ELFN1: variants seen among roughly 807,000 people sequenced by gnomAD.
ELFN1 encodes the protein protein ELFN1.
ELFN1 carries 6 observed loss-of-function variants against 7.6 expected under a neutral mutation model. The observed-to-expected ratio is 0.79, with a 90% confidence interval of 0.43 to 1.56. ELFN1 has a LOEUF of 1.56. ELFN1 is among the 40% of genes most tolerant of loss of function. ELFN1 has a pLI of 0.01. For missense variants in ELFN1, 1,169 were observed against 1,232.2 expected (o/e 0.95, Z 0.77); for synonymous variants, 657 against 588.1 (o/e 1.12, Z -1.70).
intron 1 of ELFN1, among the ~76,000 whole-genome samples, chr7:1,680,776 C>G (rs1447789890): frequency 7.2e-6 from 1 of 139,394 alleles, no homozygotes; most frequent in African/African-American, 2.7e-5. Flanking sequence ...GAATCTCACT[C>G]TGTTGCCTAG....
In ELFN1 at chr7:1,747,265, G is replaced by A. The variant is rs2128607816; in HGVS notation, c.*182G>A. ...GACACGTCCCGAGCTCCTGTGGCCG[G>A]TCCTGGGATGCGCTTGTCGCCCCGG... is the stretch of plus-strand genomic sequence containing the variant. On this transcript the variant is annotated 3_prime_UTR_variant, in exon 4 of 4. Transcript: ENST00000424383. 2 of 606,616 alleles carry A rather than the reference G, an allele frequency of 3.3e-6. No homozygotes were observed. The highest frequency in any genetic ancestry group is 3.4e-5 in the East Asian group (1 of 29,408). 37.6% of individuals were successfully genotyped at this position (606,616 alleles called of 1,614,324 possible).
intron 1 of ELFN1, among the ~76,000 whole-genome samples, chr7:1,677,923 C>G (rs1288770045): frequency 6.6e-6 from 1 of 152,080 alleles, no homozygotes; most frequent in Non-Finnish European, 1.5e-5. Context: ...GGAAGAGAGT[C>G]AGGCCCCTGA....
chr7:1,697,782 G>C (rs191531992), intron 2 of ELFN1, among the ~76,000 whole-genome samples: 33 of 152,242 alleles, frequency 2.2e-4, no homozygotes, highest in Admixed American at 1.9e-3. Flanking sequence ...TTTAAAAATT[G>C]TTTAATCGTA....
chr7:1,674,527 C>T (rs1173729587), intron 1 of ELFN1, among the ~76,000 whole-genome samples: 3 of 152,078 alleles, frequency 2.0e-5, no homozygotes, highest in Non-Finnish European at 4.4e-5. Flanking sequence ...TAGATAACCC[C>T]ACAGGAAGAG....
chr7:1,696,690 C>T (rs772362406), intron 2 of ELFN1, among the ~76,000 whole-genome samples: 3 of 152,196 alleles, frequency 2.0e-5, no homozygotes, highest in Non-Finnish European at 4.4e-5. Context: ...GTGTGAGCCA[C>T]GGTGCCCAGC....
intron 2 of ELFN1, chr7:1,694,012 C>T (rs1289610660): frequency 1.4e-5 from 5 of 360,270 alleles, no homozygotes; most frequent in Non-Finnish European, 2.3e-5. Context: ...CGTGCACCGA[C>T]GCTTAGAGCT....
chr7:1,669,981 G>T (rs1447973368), upstream of ELFN1, among the ~76,000 whole-genome samples: 1 of 148,082 alleles, frequency 6.8e-6, no homozygotes, highest in East Asian at 2.1e-4. Context: ...CAGCCCCTGC[G>T]CGTCGCCGGG....
chr7:1,697,557 G>A (rs1583331462), intron 2 of ELFN1, among the ~76,000 whole-genome samples: 1 of 152,250 alleles, frequency 6.6e-6, no homozygotes, highest in African/African-American at 2.4e-5. Flanking sequence ...CCTTGTCTTA[G>A]CCTGTCTTCT....
chr7:1,716,179 C>CCTGCCCACCCCAAGGTT (rs1405026416), intron 3 of ELFN1, among the ~76,000 whole-genome samples: 2 of 152,232 alleles, frequency 1.3e-5, no homozygotes, highest in Non-Finnish European at 1.5e-5. Flanking sequence ...ACCCCAAGGT[C>CCTGCCCACCCCAAGGTT]CTGCCCACCC....
chr7:1,669,741 C>CCTAG (rs1328941866), upstream of ELFN1, among the ~76,000 whole-genome samples: 1 of 152,206 alleles, frequency 6.6e-6, no homozygotes, highest in African/African-American at 2.4e-5. Flanking sequence ...GTTCTCCGCC[C>CCTAG]CTAGGTCCCT....
At position 1,740,677 on chromosome 7, in the gene ELFN1, A is replaced by AC. The variant is rs1027250549; in HGVS notation, c.-293-3621dup. On this transcript the variant is annotated intron_variant, in intron 3 of 3. Coordinates refer to ENST00000424383, the MANE Select transcript of ELFN1 (RefSeq NM_001128636.4). This position sits in a 1 kb window ranked among gnomAD's most constrained non-coding sequence, Gnocchi z 5.0. ...CCTTGGGGACTCCTGGACCCGGGCC[A>AC]CCCCCCGAACCCCTCCTAGCACAGC... 2.0e-5 allele frequency among the ~76,000 whole-genome samples: 3 copies of AC among 151,374 alleles called. No individual in the cohort carries two copies. Among genetic ancestry groups the AC allele is most frequent in the African/African-American group, 7.3e-5 (3 of 41,134 alleles).
chr7:1,693,594 C>T (rs998775403), intron 2 of ELFN1: 4 of 471,084 alleles, frequency 8.5e-6, no homozygotes, highest in African/African-American at 6.0e-5. Context: ...GCAGAGGGGT[C>T]GGTGTACACC....
At chr7:1,681,220 C>T (rs1205410892) in intron 1 of ELFN1, among the ~76,000 whole-genome samples, 3 of 152,198 alleles carry the variant, frequency 2.0e-5, no homozygotes, top group Non-Finnish European at 2.9e-5. Context: ...TATTGCTAGA[C>T]CGTTTTACTT....
At chr7:1,702,620 A>G (rs1255390886) in intron 2 of ELFN1, among the ~76,000 whole-genome samples, 1 of 151,222 alleles carries the variant, frequency 6.6e-6, no homozygotes, top group African/African-American at 2.5e-5. Flanking sequence ...TTGATGTTTC[A>G]TAAATATTCA....
intron 1 of ELFN1, among the ~76,000 whole-genome samples, chr7:1,680,247 G>A (rs1251015883): frequency 3.9e-5 from 6 of 152,218 alleles, no homozygotes; most frequent in Non-Finnish European, 7.3e-5. Context: ...TTGGAGGAGT[G>A]CCCAAGGCAG....
intron 1 of ELFN1, among the ~76,000 whole-genome samples, chr7:1,676,004 C>T (rs1481134582): frequency 2.0e-5 from 3 of 152,108 alleles, no homozygotes; most frequent in Non-Finnish European, 4.4e-5. Context: ...TCCTGCCTGG[C>T]CCCCGCACTG....
intron 2 of ELFN1, among the ~76,000 whole-genome samples, chr7:1,702,674 T>C (rs1465260581): frequency 2.0e-4 from 31 of 151,396 alleles, no homozygotes; most frequent in Admixed American, 2.0e-3. Context: ...TATATATTTG[T>C]ATATGAATTT....
In ELFN1 at chr7:1,746,766, C is replaced by T; in HGVS notation, c.2170C>T (p.Pro724Ser). The T allele has an allele frequency of 6.6e-7, 1 of 1,510,248 alleles. No individual in the cohort carries two copies. Among genetic ancestry groups the T allele is most frequent in the Non-Finnish European group, 8.8e-7 (1 of 1,135,718 alleles). 93.6% of individuals were successfully genotyped at this position (1,510,248 alleles called of 1,614,324 possible). Residue 724 changes from proline to serine, a missense_variant, in exon 4 of 4, where the codon CCG (proline) becomes TCG (serine). By Grantham distance (74) the Pro-to-Ser change is moderately conservative (BLOSUM62 -1). Coordinates refer to ENST00000424383, the MANE Select transcript of ELFN1 (RefSeq NM_001128636.4). ...ACCTGCGCCCCCCGGGCCACCGCCGCCGCCTCCGCACGAGGGCCTGGGGCG... is the reference window on the plus strand; with the variant it reads ...ACCTGCGCCCCCCGGGCCACCGCCGTCGCCTCCGCACGAGGGCCTGGGGCG... ...EPPAPPGPPP[P>S]PPHEGLGRKA...
chr7:1,725,653 G>A (rs1780170919), intron 3 of ELFN1, among the ~76,000 whole-genome samples: 1 of 152,148 alleles, frequency 6.6e-6, no homozygotes, highest in Non-Finnish European at 1.5e-5. Context: ...TCGGACGCCC[G>A]CCTGCTGTGA....
Sources: allele counts gnomAD v4.1 joint callset (sites outside exome capture counted in the v4.1 genomes callset), GRCh38; gene constraint gnomAD v4.1.1; non-coding constraint Gnocchi (gnomAD v3.1); transcripts MANE v1.5; gene names NCBI Gene and HGNC (gene_info 2026-07-23, HGNC 2026-07-21).